Variants in KLRF2 observed in about 807,000 individuals in gnomAD.
KLRF2 encodes the protein killer cell lectin-like receptor subfamily F member 2.
KLRF2 carries 28 observed loss-of-function variants against 25.3 expected under a neutral mutation model. The ratio of observed to expected loss-of-function variants is 1.11; its 90% CI spans 0.82 to 1.52. KLRF2 has a LOEUF of 1.52. KLRF2 is among the 40% of genes most tolerant of loss of function. The pLI is 0.00. For missense variants in KLRF2, 265 were observed against 245.8 expected (o/e 1.08, Z -0.52); for synonymous variants, 73 against 85.0 (o/e 0.86, Z 0.78).
intron 5 of KLRF2, 46 bp downstream of exon 5, chr12:9,893,587 A>G: frequency 3.0e-6 from 2 of 657,828 alleles, no homozygotes; most frequent in East Asian, 3.1e-5. Flanking sequence ...TTATAGAATT[A>G]TTTTTATATT....
intron 5 of KLRF2, among the ~76,000 whole-genome samples, chr12:9,894,126 T>TTCTCTCTCTCTCTCTCTCTCTCTCTC (rs141327204): frequency 1.5e-5 from 2 of 130,200 alleles, no homozygotes; most frequent in African/African-American, 3.0e-5. Flanking sequence ...TTTCTTTTCT[T>TTCTCTCTCTCTCTCTCTCTCTCTCTC]TCTCTCTCTC....
intron 5 of KLRF2, among the ~76,000 whole-genome samples, chr12:9,894,084 T>G (rs528294820): frequency 4.0e-5 from 6 of 151,654 alleles, no homozygotes; most frequent in African/African-American, 1.5e-4. Context: ...TCTTTCTCTC[T>G]TCTTCTTTCT....
chr12:9,885,952 G>C (rs1201768385), intron 2 of KLRF2, among the ~76,000 whole-genome samples: 1 of 152,038 alleles, frequency 6.6e-6, no homozygotes, highest in East Asian at 1.9e-4. Flanking sequence ...CTTTAAAAAT[G>C]TTCCTAAAAT....
At chr12:9,893,304 T>A in intron 4 of KLRF2, 125 bp from the exon 5 acceptor site, 1 of 874,392 alleles carries the variant, frequency 1.1e-6, no homozygotes, top group East Asian at 2.7e-5. Flanking sequence ...CTATTGTTCA[T>A]GAAAAAAATG....
chr12:9,893,254 T>C, intron 4 of KLRF2, 86 bp downstream of exon 4: 2 of 1,283,888 alleles, frequency 1.6e-6, no homozygotes, highest in South Asian at 1.5e-5. Flanking sequence ...GGAGGTTTAT[T>C]GTCGTTGCTT....
chr12:9,890,155 A>G (rs1347027361), intron 3 of KLRF2, among the ~76,000 whole-genome samples: 1 of 152,208 alleles, frequency 6.6e-6, no homozygotes, highest in Admixed American at 6.5e-5. Context: ...ATACTTCAAT[A>G]TGTGAATCTT....
chr12:9,890,500 C>G (rs540385371), intron 3 of KLRF2, among the ~76,000 whole-genome samples: 6 of 152,312 alleles, frequency 3.9e-5, no homozygotes, highest in African/African-American at 1.4e-4. Flanking sequence ...TATGACTCCT[C>G]TAAGCTTCGG....
intron 2 of KLRF2, among the ~76,000 whole-genome samples, chr12:9,888,054 C>CAAAA (rs59382110): frequency 1.5e-5 from 1 of 65,528 alleles, no homozygotes; most frequent in African/African-American, 7.3e-5. Context: ...GACCCTGTGT[C>CAAAA]AAAAAAAAAA....
At chr12:9,884,776 G>T (rs1015857489) in intron 1 of KLRF2, among the ~76,000 whole-genome samples, 158 bp from the exon 2 acceptor site, 4 of 151,116 alleles carry the variant, frequency 2.6e-5, no homozygotes, top group Non-Finnish European at 5.9e-5. Context: ...GTATCTCCTT[G>T]GTTTGGGATT....
chr12:9,892,874 G>A (rs1342659002), intron 3 of KLRF2, 146 bp from the exon 4 acceptor site: 22 of 595,996 alleles, frequency 3.7e-5, no homozygotes, highest in Middle Eastern at 4.7e-4. Flanking sequence ...GTGAGCCACC[G>A]CGCCTGGTCT....
chr12:9,884,861 C>A, intron 1 of KLRF2, 73 bp from the exon 2 acceptor site: 1 of 478,990 alleles, frequency 2.1e-6, no homozygotes, highest in Non-Finnish European at 3.6e-6. Context: ...TGAGTTGTCT[C>A]TGTAATAAAA....
chr12:9,895,477 T>A (rs1255193261), intron 5 of KLRF2, among the ~76,000 whole-genome samples: 2 of 152,202 alleles, frequency 1.3e-5, no homozygotes, highest in Admixed American at 1.3e-4. Context: ...GAAGCTGGGA[T>A]GTCTTCTAGT....
intron 1 of KLRF2, 83 bp downstream of exon 1, chr12:9,881,748 C>A: frequency 2.1e-6 from 2 of 972,018 alleles, no homozygotes; most frequent in Non-Finnish European, 1.6e-6. Context: ...TTTTTAACAT[C>A]TTAACATTGA....
At chr12:9,887,113 A>G (rs1862607647) in intron 2 of KLRF2, among the ~76,000 whole-genome samples, 1 of 152,186 alleles carries the variant, frequency 6.6e-6, no homozygotes, top group South Asian at 2.1e-4. Context: ...AAGCTTCCAG[A>G]AGAAGAAAAT....
chr12:9,895,597 A>T, intron 5 of KLRF2, 92 bp from the exon 6 acceptor site: 3 of 1,211,590 alleles, frequency 2.5e-6, no homozygotes, highest in Non-Finnish European at 3.3e-6. Context: ...GCTGCTGAAG[A>T]ATTACCTATA....
At chr12:9,893,905 A>C (rs1012534597) in intron 5 of KLRF2, among the ~76,000 whole-genome samples, 1 of 152,170 alleles carries the variant, frequency 6.6e-6, no homozygotes, top group Admixed American at 6.5e-5. Context: ...GACAAAATTC[A>C]CCTATAAATA....
At chr12:9,893,374 G>A in intron 4 of KLRF2, 55 bp from the exon 5 acceptor site, 2 of 896,586 alleles carry the variant, frequency 2.2e-6, no homozygotes, top group Non-Finnish European at 3.4e-6. Flanking sequence ...CACTATAGAA[G>A]GCATCAAAAT....
intron 2 of KLRF2, among the ~76,000 whole-genome samples, chr12:9,887,083 A>G (rs1481914637): frequency 6.6e-6 from 1 of 152,184 alleles, no homozygotes; most frequent in Admixed American, 6.5e-5. Context: ...TTATCCAGAA[A>G]GGTCAATAGC....
At chr12:9,891,623 T>C (rs926377423) in intron 3 of KLRF2, among the ~76,000 whole-genome samples, 1 of 152,226 alleles carries the variant, frequency 6.6e-6, no homozygotes, top group Non-Finnish European at 1.5e-5. Flanking sequence ...CAAACAACTA[T>C]GTATTTGTAC....
Sources: allele counts gnomAD v4.1 joint callset (sites outside exome capture counted in the v4.1 genomes callset), GRCh38; gene constraint gnomAD v4.1.1; transcripts MANE v1.5; gene names NCBI Gene and HGNC (gene_info 2026-07-23, HGNC 2026-07-21).